EPC2: variants seen among roughly 807,000 people sequenced by gnomAD.
EPC2 encodes enhancer of polycomb homolog 2.
Under a neutral mutation model 92.1 loss-of-function variants are expected in EPC2, and 14 were observed. The ratio of observed to expected loss-of-function variants is 0.15; its 90% CI spans 0.10 to 0.24. EPC2 has a LOEUF of 0.24. Ranked by LOEUF, EPC2 falls within the 10% of genes least tolerant of loss-of-function variation. The pLI, the probability that EPC2 is intolerant of heterozygous loss-of-function variation, is 1.00. For synonymous variants in EPC2, 340 were observed against 334.7 expected (o/e 1.02, Z -0.17); for missense variants, 755 against 971.5 (o/e 0.78, Z 2.96).
chr2:148,727,247 G>A, intron 2 of EPC2, among the ~76,000 whole-genome samples: 1 of 152,046 alleles, frequency 6.6e-6, no homozygotes, highest in Admixed American at 6.6e-5. Flanking sequence ...TATATGTCAG[G>A]GTTTATTTCT....
intron 2 of EPC2, among the ~76,000 whole-genome samples, chr2:148,714,220 T>C (rs969874618): frequency 1.3e-5 from 2 of 152,168 alleles, no homozygotes; most frequent in African/African-American, 4.8e-5. Flanking sequence ...GCTCCATTCA[T>C]GTCCCTGCAG....
Position 148,753,841 on chromosome 2 carries a change from G to T in EPC2, c.460-86G>T, listed in dbSNP as rs1683123943. On this transcript the variant is annotated intron_variant, in intron 3 of 13. Transcript: ENST00000258484. ...TATCTGTTAGTAGTTATTGAAACTG[G>T]TCGCATTTTTTTCTACAGCCATAAG... 2.8e-6 allele frequency: 3 copies of T among 1,081,410 alleles called. No individual in the cohort carries two copies. The African/African-American group carries it at 4.8e-5, about 17-fold the overall frequency. The allele number at this position is 1,081,410 out of a possible 1,614,324, so 67.0% of individuals were successfully genotyped here.
intron 1 of EPC2, among the ~76,000 whole-genome samples, chr2:148,668,919 C>G (rs1011841050): frequency 2.0e-5 from 3 of 151,720 alleles, no homozygotes; most frequent in Non-Finnish European, 4.4e-5. Flanking sequence ...TCCTTTCTTT[C>G]TTAGAGTTTA....
intron 2 of EPC2, among the ~76,000 whole-genome samples, chr2:148,741,433 C>A (rs6739555): frequency 0.2 from 30,078 of 151,950 alleles, 3,626 homozygotes; most frequent in East Asian, 0.49. Context: ...AGATGTAGTC[C>A]TTTACTGATT....
At chr2:148,659,402 A>C (rs1018818061) in intron 1 of EPC2, among the ~76,000 whole-genome samples, 2 of 152,178 alleles carry the variant, frequency 1.3e-5, no homozygotes, top group African/African-American at 4.8e-5. Flanking sequence ...TCTTCATTGC[A>C]TGTGAATCAC....
chr2:148,761,369 A>G (rs1211923048), intron 4 of EPC2, among the ~76,000 whole-genome samples: 2 of 152,190 alleles, frequency 1.3e-5, no homozygotes, highest in Admixed American at 6.5e-5. Flanking sequence ...CTGGAGATGG[A>G]TGGATGAATG....
intron 1 of EPC2, among the ~76,000 whole-genome samples, chr2:148,680,600 A>C (rs951852959): frequency 6.6e-6 from 1 of 152,204 alleles, no homozygotes; most frequent in East Asian, 1.9e-4. Context: ...GGACCCTGAA[A>C]TATTTGTTGA....
At chr2:148,703,220 TTTAA>T (rs1198879075) in intron 2 of EPC2, among the ~76,000 whole-genome samples, 2 of 152,212 alleles carry the variant, frequency 1.3e-5, no homozygotes, top group African/African-American at 4.8e-5. Context: ...ATCCTTAAGT[TTTAA>T]TTATTAGCCA....
intron 2 of EPC2, among the ~76,000 whole-genome samples, chr2:148,708,152 T>C (rs1558815954): frequency 2.0e-5 from 3 of 152,050 alleles, no homozygotes; most frequent in African/African-American, 7.2e-5. Flanking sequence ...TAAAAAATGA[T>C]AAAAGGGATA....
intron 2 of EPC2, among the ~76,000 whole-genome samples, chr2:148,734,394 A>G: frequency 6.6e-6 from 1 of 152,030 alleles, no homozygotes. Flanking sequence ...CACTTTTATG[A>G]TTTCCAGTTA....
At chr2:148,665,036 C>CT (rs1444119349) in intron 1 of EPC2, among the ~76,000 whole-genome samples, 3 of 152,152 alleles carry the variant, frequency 2.0e-5, no homozygotes, top group Admixed American at 1.3e-4. Flanking sequence ...CATAAAGATA[C>CT]TTTGAGACAT....
intron 2 of EPC2, among the ~76,000 whole-genome samples, chr2:148,720,420 T>C (rs13006023): frequency 0.24 from 36,246 of 152,052 alleles, 4,995 homozygotes; most frequent in East Asian, 0.51. Context: ...GAAGTGGGCC[T>C]GCAGAACAAG....
At chr2:148,742,432 C>T (rs1346050704) in intron 2 of EPC2, among the ~76,000 whole-genome samples, 2 of 151,958 alleles carry the variant, frequency 1.3e-5, no homozygotes, top group African/African-American at 2.4e-5. Flanking sequence ...TGAAGTTACA[C>T]TTTTTTTATG....
intron 1 of EPC2, among the ~76,000 whole-genome samples, chr2:148,663,194 G>GTAGTATTAT (rs145833789): frequency 3.7e-5 from 5 of 136,350 alleles, no homozygotes; most frequent in Admixed American, 3.0e-4. Flanking sequence ...CTGTGTTTTT[G>GTAGTATTAT]TATTATTATT....
At chr2:148,772,549 C>G (rs948778546) in intron 10 of EPC2, among the ~76,000 whole-genome samples, 5 of 152,172 alleles carry the variant, frequency 3.3e-5, no homozygotes, top group Admixed American at 3.3e-4. Context: ...TGTTTTCCAA[C>G]TTGACTCGTA....
chr2:148,645,811 G>A (rs763893205), intron 1 of EPC2, among the ~76,000 whole-genome samples: 3 of 152,166 alleles, frequency 2.0e-5, no homozygotes, highest in Non-Finnish European at 2.9e-5. Flanking sequence ...GGCGCGGGGC[G>A]GACGGGCTCT....
rs1683381633 is a variant in EPC2, at chr2:148,765,011, G to A, written c.1005G>A (p.Lys335=). ...EEASDVVRQK[K]KYPKKPKAEA... ...CTTCTGATGTGGTTCGTCAAAAGAA[G>A]AAGTACCCAAAGAAGCCTAAAGCAG... The change falls in exon 7 of 14, where the codon AAG becomes AAA. Residue 335 remains lysine (K), a synonymous_variant. Coordinates refer to ENST00000258484, the MANE Select transcript of EPC2 (RefSeq NM_015630.4). 1 of 1,604,808 alleles carries A rather than the reference G, an allele frequency of 6.2e-7. No homozygotes were observed. Among genetic ancestry groups the A allele is most frequent in the South Asian group, 1.1e-5 (1 of 89,254 alleles).
chr2:148,770,721 A>G (rs1683499728), intron 8 of EPC2, 71 bp from the exon 9 acceptor site: 4 of 1,456,744 alleles, frequency 2.7e-6, no homozygotes, highest in Middle Eastern at 2.0e-4. Context: ...CATGTTTATC[A>G]TGATCTAACC....
At chr2:148,751,268 A>G (rs373174728) in intron 3 of EPC2, among the ~76,000 whole-genome samples, 2 of 152,224 alleles carry the variant, frequency 1.3e-5, no homozygotes, top group East Asian at 1.9e-4. Flanking sequence ...AAATATATTT[A>G]TTGAAATTAC....
Sources: gnomAD v4.1 joint callset for allele counts (sites outside exome capture counted in the v4.1 genomes callset) on GRCh38, gnomAD v4.1.1 for gene constraint, MANE v1.5 for transcripts, NCBI Gene and HGNC (gene_info 2026-07-23, HGNC 2026-07-21) for gene names.